BET1: variants seen among roughly 807,000 people sequenced by gnomAD.
BET1 encodes the protein BET1 homolog.
A neutral mutation model predicts 13.9 loss-of-function variants in BET1; 9 were observed. The ratio of observed to expected loss-of-function variants is 0.65; its 90% CI spans 0.39 to 1.13. BET1 has a LOEUF of 1.13. Among genes scored for constraint, BET1 ranks in the 50% most tolerant of loss-of-function variants. The pLI is 0.01. For missense variants in BET1, 127 were observed against 133.6 expected (o/e 0.95, Z 0.24); for synonymous variants, 39 against 47.3 (o/e 0.82, Z 0.72).
chr7:93,987,962 T>A (rs1368974682), intron 4 of BET1, among the ~76,000 whole-genome samples: 1 of 152,218 alleles, frequency 6.6e-6, no homozygotes, highest in Non-Finnish European at 1.5e-5. Context: ...CCAATTAATC[T>A]AATGGCTAAA....
chr7:94,000,936 G>C (rs776395045), intron 1 of BET1, among the ~76,000 whole-genome samples: 9 of 152,070 alleles, frequency 5.9e-5, no homozygotes, highest in Non-Finnish European at 8.8e-5. Flanking sequence ...CCAGGAATTT[G>C]AGACCAGCCT....
chr7:93,969,663 T>A lies in BET1; in HGVS notation c.*137+2912A>T, dbSNP rs188381090. The A allele has an allele frequency of 2.2e-4, 33 of 151,876 alleles. No individual in the cohort carries two copies. In the East Asian group the frequency reaches 5.6e-3, roughly 26 times the overall value. 9.4% of individuals were successfully genotyped at this position (151,876 alleles called of 1,614,324 possible). On this transcript the variant is annotated intron_variant and NMD_transcript_variant, in intron 6 of 6. Coordinates refer to the BET1 transcript ENST00000357520. ...GTATTCACCTGAGCACATGCTGACT[T>A]CATGTAAGTATTTTTGTGCTTATTT...
chr7:93,988,564 T>C (rs921179010), downstream of BET1, among the ~76,000 whole-genome samples: 3 of 152,204 alleles, frequency 2.0e-5, no homozygotes, highest in Non-Finnish European at 4.4e-5. Context: ...CAGTAGGAAT[T>C]GTTTAATTAG....
At chr7:93,999,773 G>A (rs1795855745) in intron 1 of BET1, 1 of 448,600 alleles carries the variant, frequency 2.2e-6, no homozygotes, top group African/African-American at 2.0e-5. Flanking sequence ...TAGACAGTTG[G>A]ACAGGAAAGA....
chr7:93,997,748 G>A (rs936233908), intron 2 of BET1, among the ~76,000 whole-genome samples: 9 of 152,046 alleles, frequency 5.9e-5, no homozygotes, highest in Non-Finnish European at 1.3e-4. Context: ...AATCATCTTC[G>A]TGTAATTCTT....
intron 1 of BET1, chr7:93,999,845 T>A: frequency 2.7e-6 from 1 of 366,974 alleles, no homozygotes. Context: ...TTATGCAGAA[T>A]GCTAGCTGAG....
downstream of BET1, chr7:93,992,076 G>A (rs2116104688): frequency 2.0e-6 from 2 of 985,322 alleles, no homozygotes; most frequent in East Asian, 1.1e-4. Flanking sequence ...CCCTGGTTGG[G>A]CAGCGACATG....
At chr7:93,965,585 A>C (rs1795159777) in exon 7 of BET1, 2 of 152,078 alleles carry the variant, frequency 1.3e-5, no homozygotes, top group African/African-American at 4.8e-5. Flanking sequence ...GCAAGCTTGA[A>C]AACTTCTGAA....
At chr7:93,996,365 T>C in intron 2 of BET1, 44 bp from the exon 3 acceptor site, 5 of 1,358,294 alleles carry the variant, frequency 3.7e-6, no homozygotes, top group Non-Finnish European at 4.0e-6. Flanking sequence ...CATAAAAGTA[T>C]TCAAGTGTTA....
At chr7:93,964,354 G>A (rs1388689274) in exon 7 of BET1, 1 of 152,006 alleles carries the variant, frequency 6.6e-6, no homozygotes, top group Non-Finnish European at 1.5e-5. Context: ...TTATAAGTAA[G>A]AACATACAGT....
Position 93,994,383 on chromosome 7 carries a change from A to C in BET1, c.204T>G (p.Asp68Glu). Residue 68 changes from aspartate (D) to glutamate (E), a missense_variant and splice_region_variant, in exon 4 of 4, where the codon GAT (aspartate) becomes GAG (glutamate). Transcript: ENST00000222547. Reference sequence around the variant, plus strand: ...ATCCAGTTGTGGAATCAAATTGTGAATCCTATCAGAGATAAAGGCAAATAA... The same window carrying C: ...ATCCAGTTGTGGAATCAAATTGTGACTCCTATCAGAGATAAAGGCAAATAA... ...KTQNKLLAEM[D>E]SQFDSTTGFL... 6.2e-7 allele frequency: 1 copy of C among 1,611,580 alleles called. No homozygotes were observed.
At chr7:93,986,898 G>A (rs969714053) in intron 4 of BET1, among the ~76,000 whole-genome samples, 1 of 151,996 alleles carries the variant, frequency 6.6e-6, no homozygotes, top group Non-Finnish European at 1.5e-5. Context: ...TGTTACAATT[G>A]CCTACACTAT....
intron 3 of BET1, 85 bp downstream of exon 3, chr7:93,996,180 G>C: frequency 9.9e-7 from 1 of 1,008,060 alleles, no homozygotes. Context: ...TACGATCTCT[G>C]TATTTCAAAA....
At chr7:93,991,829 T>C, downstream of BET1, 3 of 964,186 alleles carry the variant, frequency 3.1e-6, no homozygotes, top group Non-Finnish European at 3.7e-6. Context: ...TGACATTATT[T>C]ATTATTTATT....
At chr7:93,970,782 C>A (rs1423345572) in intron 6 of BET1, among the ~76,000 whole-genome samples, 1 of 151,792 alleles carries the variant, frequency 6.6e-6, no homozygotes, top group African/African-American at 2.4e-5. Context: ...CCAAAAACGA[C>A]TCAAACTTAT....
intron 4 of BET1, among the ~76,000 whole-genome samples, chr7:93,984,552 A>G (rs563239505): frequency 2.0e-5 from 3 of 152,272 alleles, no homozygotes; most frequent in Non-Finnish European, 4.4e-5. Flanking sequence ...TGGATGAACC[A>G]GAAACAAAGA....
At chr7:93,989,600 C>T (rs1049965754), downstream of BET1, among the ~76,000 whole-genome samples, 8 of 151,964 alleles carry the variant, frequency 5.3e-5, no homozygotes, top group South Asian at 6.2e-4. Flanking sequence ...CTTAAGTGAC[C>T]GGTTGTGAAT....
chr7:93,994,295 A>C lies in BET1; in HGVS notation c.292T>G (p.Cys98Gly). 1 of 1,613,888 alleles carries C rather than the reference A, an allele frequency of 6.2e-7. No individual in the cohort carries two copies. Among genetic ancestry groups the C allele is most frequent in the Non-Finnish European group, 8.5e-7 (1 of 1,179,886 alleles). The change falls in exon 4 of 4, where the codon TGC (cysteine) becomes GGC (glycine). Residue 98 changes from cysteine to glycine, a missense_variant. By Grantham distance (159) the Cys-to-Gly change is radical (BLOSUM62 -3). Transcript: ENST00000222547. ...LSRGSQTKLL[C>G]YMMLFSLFVF... The stretch of plus-strand genomic sequence containing the variant: ...AATAAAGAAAACAGCATCATATAGC[A>C]CAGCAGCTTTGTTTGGCTCCCTCTG...
exon 7 of BET1, chr7:93,962,828 C>A (rs1447611426): frequency 6.6e-6 from 1 of 150,942 alleles, no homozygotes. Context: ...ATCTGAAATT[C>A]AAAATACTGA....
Sources: gnomAD v4.1 joint callset for allele counts (sites outside exome capture counted in the v4.1 genomes callset) on GRCh38, gnomAD v4.1.1 for gene constraint, MANE v1.5 for transcripts, NCBI Gene and HGNC (gene_info 2026-07-23, HGNC 2026-07-21) for gene names.